Variants in DRC11 observed in about 807,000 individuals in gnomAD.
DRC11 encodes IQ and AAA domain-containing protein 1.
the DRC11 span, among the ~76,000 whole-genome samples, chr2:236,351,492 C>T: frequency 6.6e-6 from 1 of 152,172 alleles, no homozygotes; most frequent in Non-Finnish European, 1.5e-5. This position sits in a 1 kb window ranked among gnomAD's most constrained non-coding sequence, Gnocchi z 7.3. Flanking sequence ...CCTGGCACTT[C>T]TGGAAGGGGT....
chr2:236,364,129 G>A, the DRC11 span: 6 of 670,404 alleles, frequency 8.9e-6, no homozygotes, highest in African/African-American at 1.8e-5. Context: ...CCAGAGACAC[G>A]CCTCCATCCC....
the DRC11 span, among the ~76,000 whole-genome samples, chr2:236,361,361 T>C: frequency 6.6e-6 from 1 of 152,174 alleles, no homozygotes; most frequent in African/African-American, 2.4e-5. The surrounding 1 kb of genome is among the most constrained non-coding windows in gnomAD (Gnocchi z 5.7). Context: ...AAAACTTAAC[T>C]TGACAGAGAC....
the DRC11 span, chr2:236,503,817 C>A: frequency 6.0e-5 from 55 of 914,562 alleles, 1 homozygote; most frequent in African/African-American, 3.3e-4. The surrounding 1 kb of genome is among the most constrained non-coding windows in gnomAD (Gnocchi z 4.9). Flanking sequence ...GGAGCCCCCA[C>A]TTTGCGCTCA....
the DRC11 span, among the ~76,000 whole-genome samples, chr2:236,472,905 TGCAGGGGA>T: frequency 6.6e-6 from 1 of 152,170 alleles, no homozygotes; most frequent in Non-Finnish European, 1.5e-5. This position sits in a 1 kb window ranked among gnomAD's most constrained non-coding sequence, Gnocchi z 4.6. Context: ...TCTCCCTCAA[TGCAGGGGA>T]GCAGGCCTTC....
chr2:236,312,085 T>A, the DRC11 span, among the ~76,000 whole-genome samples: 3 of 152,204 alleles, frequency 2.0e-5, no homozygotes, highest in Non-Finnish European at 4.4e-5. Flanking sequence ...GTTCAACAGG[T>A]TACCCACTTT....
the DRC11 span, among the ~76,000 whole-genome samples, chr2:236,443,001 A>G: frequency 6.6e-6 from 1 of 152,096 alleles, no homozygotes; most frequent in African/African-American, 2.4e-5. The surrounding 1 kb of genome is among the most constrained non-coding windows in gnomAD (Gnocchi z 4.4). Context: ...TAACCCCCTC[A>G]CAGGTGTTTC....
At chr2:236,325,062 A>T in the DRC11 span, among the ~76,000 whole-genome samples, 1 of 152,188 alleles carries the variant, frequency 6.6e-6, no homozygotes, top group Non-Finnish European at 1.5e-5. This position sits in a 1 kb window ranked among gnomAD's most constrained non-coding sequence, Gnocchi z 4.4. Flanking sequence ...ATCCTTCCCA[A>T]CAAAGTTGCC....
At chr2:236,391,861 G>T in the DRC11 span, 1 of 794,378 alleles carries the variant, frequency 1.3e-6, no homozygotes, top group Non-Finnish European at 2.1e-6. This position sits in a 1 kb window ranked among gnomAD's most constrained non-coding sequence, Gnocchi z 4.5. Flanking sequence ...ATGTTTCCCC[G>T]TGAGGTGTCC....
the DRC11 span, among the ~76,000 whole-genome samples, chr2:236,318,360 C>T: frequency 3.9e-5 from 6 of 152,150 alleles, no homozygotes; most frequent in Admixed American, 6.5e-5. This position sits in a 1 kb window ranked among gnomAD's most constrained non-coding sequence, Gnocchi z 7.0. Flanking sequence ...AGGCCACCAG[C>T]ATCTGCCATG....
At chr2:236,357,262 TATAAATATA>T in the DRC11 span, among the ~76,000 whole-genome samples, 2 of 87,246 alleles carry the variant, frequency 2.3e-5, no homozygotes, top group African/African-American at 1.2e-4. Context: ...ATCTATATAT[TATAAATATA>T]CATATATTAT....
chr2:236,346,482 C>A, the DRC11 span, among the ~76,000 whole-genome samples: 1 of 152,202 alleles, frequency 6.6e-6, no homozygotes, highest in Non-Finnish European at 1.5e-5. Flanking sequence ...GACTGGAGGC[C>A]AGGCTGGGGG....
At chr2:236,361,732 A>G in the DRC11 span, among the ~76,000 whole-genome samples, 4 of 152,326 alleles carry the variant, frequency 2.6e-5, no homozygotes, top group African/African-American at 4.8e-5. The surrounding 1 kb of genome is among the most constrained non-coding windows in gnomAD (Gnocchi z 5.7). Context: ...TGGAGAACAA[A>G]TAGCAAAATG....
chr2:236,461,991 G>A, the DRC11 span, among the ~76,000 whole-genome samples: 1 of 152,084 alleles, frequency 6.6e-6, no homozygotes, highest in Admixed American at 6.5e-5. The surrounding 1 kb of genome is among the most constrained non-coding windows in gnomAD (Gnocchi z 4.0). Context: ...AGGAAAGAGA[G>A]GAGTGAGGGT....
At chr2:236,322,928 A>C in the DRC11 span, among the ~76,000 whole-genome samples, 3 of 152,214 alleles carry the variant, frequency 2.0e-5, no homozygotes, top group Non-Finnish European at 4.4e-5. Context: ...CAGATCTAGA[A>C]CTTTTCCATC....
At chr2:236,359,075 A>G in the DRC11 span, among the ~76,000 whole-genome samples, 4 of 151,994 alleles carry the variant, frequency 2.6e-5, no homozygotes, top group Non-Finnish European at 5.9e-5. This position sits in a 1 kb window ranked among gnomAD's most constrained non-coding sequence, Gnocchi z 4.3. Flanking sequence ...AGGCAAGGGA[A>G]GGCCAGGGCA....
chr2:236,471,710 A>G, the DRC11 span, among the ~76,000 whole-genome samples: 1 of 152,230 alleles, frequency 6.6e-6, no homozygotes, highest in East Asian at 1.9e-4. The surrounding 1 kb of genome is among the most constrained non-coding windows in gnomAD (Gnocchi z 4.6). Context: ...TTTTGCATGT[A>G]TAGAAACTGT....
chr2:236,378,980 C>T, the DRC11 span, among the ~76,000 whole-genome samples: 45 of 152,188 alleles, frequency 3.0e-4, no homozygotes, highest in Admixed American at 1.1e-3. Flanking sequence ...CCCGTGACAG[C>T]CATTTCTCTA....
the DRC11 span, among the ~76,000 whole-genome samples, chr2:236,355,146 G>A: frequency 6.6e-6 from 1 of 152,242 alleles, no homozygotes; most frequent in African/African-American, 2.4e-5. Flanking sequence ...TTCCAGGCAG[G>A]GGAAACAATG....
chr2:236,432,858 T>C, the DRC11 span, among the ~76,000 whole-genome samples: 1 of 152,284 alleles, frequency 6.6e-6, no homozygotes, highest in African/African-American at 2.4e-5. Context: ...TTATGACATA[T>C]TTCTTTCTTA....
Sources: gnomAD v4.1 joint callset for allele counts (sites outside exome capture counted in the v4.1 genomes callset) on GRCh38, gnomAD v4.1.1 for gene constraint, Gnocchi (gnomAD v3.1) non-coding constraint, MANE v1.5 for transcripts, NCBI Gene and HGNC (gene_info 2026-07-23, HGNC 2026-07-21) for gene names.